Variants in ABHD2 observed in about 807,000 individuals in gnomAD.
ABHD2 encodes the protein monoacylglycerol lipase ABHD2.
Under a neutral mutation model 48.1 loss-of-function variants are expected in ABHD2, and 20 were observed. The ratio of observed to expected loss-of-function variants is 0.42; its 90% CI spans 0.29 to 0.60. ABHD2 has a LOEUF of 0.60. ABHD2 is among the 20% of genes least tolerant of loss of function. The probability of loss-of-function intolerance (pLI) is 0.24; values close to 1 mark genes in which losing one functional copy is unlikely to be tolerated. For missense variants in ABHD2, 405 were observed against 550.9 expected (o/e 0.74, Z 2.65); for synonymous variants, 209 against 214.2 (o/e 0.98, Z 0.21).
In ABHD2 at chr15:89,094,014, G is replaced by T. The variant is rs1461544856; in HGVS notation, c.-107+5451G>T. 2 of 152,174 alleles carry T rather than the reference G, an allele frequency of 1.3e-5. No homozygotes were observed. The highest frequency in any genetic ancestry group is 2.9e-5 in the Non-Finnish European group (2 of 68,042). 9.4% of individuals were successfully genotyped at this position (152,174 alleles called of 1,614,324 possible). ...TCTGGTTTAGAGCCACCTGGAAATT[G>T]AATGGAATCTTTAGTCTATTAGTCT... On this transcript the variant is annotated intron_variant, in intron 1 of 10. Coordinates refer to ENST00000352732, the MANE Select transcript of ABHD2 (RefSeq NM_152924.5). The surrounding 1 kb of genome is among the most constrained non-coding windows in gnomAD (Gnocchi z 4.7).
chr15:89,113,231 T>A (rs1002875410), intron 1 of ABHD2, among the ~76,000 whole-genome samples: 35 of 152,236 alleles, frequency 2.3e-4, no homozygotes, highest in African/African-American at 8.0e-4. Context: ...TTTGGCCCTG[T>A]TCTGTTTCTG....
In ABHD2 at chr15:89,173,977, C is replaced by T. The variant is rs997530267; in HGVS notation, c.539-1835C>T. Reference sequence around the variant, plus strand: ...TTCTAAGCCCCCAGCATTTCCAGATCATGATTATTAGTCAAAAGTATAGGG... The same window carrying T: ...TTCTAAGCCCCCAGCATTTCCAGATTATGATTATTAGTCAAAAGTATAGGG... On this transcript the variant is annotated intron_variant, in intron 5 of 10. Coordinates refer to ENST00000352732, the MANE Select transcript of ABHD2 (RefSeq NM_152924.5). The surrounding 1 kb of genome is among the most constrained non-coding windows in gnomAD (Gnocchi z 6.5). 6.6e-6 allele frequency among the ~76,000 whole-genome samples: 1 copy of T among 152,098 alleles called. No individual in the cohort carries two copies. Among genetic ancestry groups the T allele is most frequent in the East Asian group, 1.9e-4 (1 of 5,196 alleles).
At chr15:89,147,123 A>C (rs1448710218) in intron 3 of ABHD2, among the ~76,000 whole-genome samples, 3 of 152,214 alleles carry the variant, frequency 2.0e-5, no homozygotes, top group Non-Finnish European at 2.9e-5. Context: ...TAAATATTTA[A>C]TTGAGAACTT....
At chr15:89,048,479 A>T in the ABHD2 span, among the ~76,000 whole-genome samples, 1 of 151,998 alleles carries the variant, frequency 6.6e-6, no homozygotes, top group African/African-American at 2.4e-5. Context: ...CCTGGATAAT[A>T]TCCTGCAGAG....
chr15:89,071,916 A>T, the ABHD2 span, among the ~76,000 whole-genome samples: 1 of 152,208 alleles, frequency 6.6e-6, no homozygotes, highest in Admixed American at 6.5e-5. Flanking sequence ...TTTCGGGTAG[A>T]AGCTTTATTG....
At chr15:89,190,256 G>A (rs2051281470) in intron 8 of ABHD2, among the ~76,000 whole-genome samples, 1 of 152,210 alleles carries the variant, frequency 6.6e-6, no homozygotes, top group South Asian at 2.1e-4. Flanking sequence ...TAGGCCTCCT[G>A]GTGTCGGAGC....
rs544589818 is a variant in ABHD2 at position 89,176,100 on chromosome 15, C to T, written c.722+105C>T. On this transcript the variant is annotated intron_variant, in intron 6 of 10. Coordinates refer to ENST00000352732, the MANE Select transcript of ABHD2 (RefSeq NM_152924.5). This position sits in a 1 kb window ranked among gnomAD's most constrained non-coding sequence, Gnocchi z 4.5. ...TGTGAAGACCGGGGAACACTGTGGC[C>T]GACTGAGTAGAAGTTTCTGAGTCTT... The T allele has an allele frequency of 4.0e-6, 5 of 1,239,892 alleles. No homozygotes were observed. Among genetic ancestry groups the T allele is most frequent in the Admixed American group, 2.6e-5 (1 of 38,882 alleles). 76.8% of individuals were successfully genotyped at this position (1,239,892 alleles called of 1,614,324 possible). A position where few individuals can be genotyped will look rare whatever the true frequency, so the allele number is the denominator to read the frequency against.
rs1417865260 is a variant in ABHD2, at chr15:89,199,756, G to A, written c.*4333G>A. On this transcript the variant is annotated 3_prime_UTR_variant, in exon 11 of 11. Transcript: ENST00000352732. This position sits in a 1 kb window ranked among gnomAD's most constrained non-coding sequence, Gnocchi z 4.1. ...CCTGCCTGTGGCATTTAGAGGCCAA[G>A]CAATTGACAGAAAGGGTTTCTTCTA... is the stretch of plus-strand genomic sequence containing the variant. 1 of 152,602 alleles carries A rather than the reference G, an allele frequency of 6.6e-6. No individual in the cohort carries two copies. Among genetic ancestry groups the A allele is most frequent in the East Asian group, 1.9e-4 (1 of 5,198 alleles). 9.5% of individuals were successfully genotyped at this position (152,602 alleles called of 1,614,324 possible).
Position 89,201,785 on chromosome 15 carries a change from CCCGGAGGCAGACG to C in ABHD2, c.*6365_*6377del. The C allele has an allele frequency of 1.4e-6, 2 of 1,462,338 alleles. No homozygotes were observed. 90.6% of individuals were successfully genotyped at this position (1,462,338 alleles called of 1,614,324 possible). ...GGATCTGCTCGTGCTTCGCCGTGGC[CCCGGAGGCAGACG>C]CCATTGGAGAGACAGCGCAGAGCAG... On this transcript the variant is annotated 3_prime_UTR_variant, in exon 11 of 11. Transcript: ENST00000352732.
rs71464446 is a variant in ABHD2 at position 89,127,706 on chromosome 15, C to CATATATATATATAT, written c.194+11198_194+11199insTATATATATATATA. On this transcript the variant is annotated intron_variant, in intron 3 of 10. Coordinates refer to ENST00000352732, the MANE Select transcript of ABHD2 (RefSeq NM_152924.5). ...TCTTCTCAGTGAATATATATATATA[C>CATATATATATATAT]ATATATATATATACACATATATATA... is the stretch of plus-strand genomic sequence containing the variant. Among the ~76,000 whole-genome samples the CATATATATATATAT allele has an allele frequency of 3.8e-3, 497 of 129,728 alleles. 39 individuals are homozygous for CATATATATATATAT. The highest frequency in any genetic ancestry group is 0.015 in the African/African-American group (428 of 27,806). 85.1% of individuals were successfully genotyped at this position (129,728 alleles called of 152,430 possible).
chr15:89,143,177 C>A (rs1477052833), intron 3 of ABHD2, among the ~76,000 whole-genome samples: 1 of 152,176 alleles, frequency 6.6e-6, no homozygotes. Context: ...AAGTCCAATT[C>A]TCTAAGTTCA....
chr15:89,181,485 T>A (rs2051113963), intron 6 of ABHD2, among the ~76,000 whole-genome samples: 1 of 152,148 alleles, frequency 6.6e-6, no homozygotes, highest in African/African-American at 2.4e-5. Context: ...TTAATTCATC[T>A]CCAATCTTAA....
chr15:89,076,436 T>C, the ABHD2 span, among the ~76,000 whole-genome samples: 1 of 152,200 alleles, frequency 6.6e-6, no homozygotes, highest in Non-Finnish European at 1.5e-5. Context: ...TAATATTCAT[T>C]CCCCAATTGT....
At chr15:89,063,121 C>T in the ABHD2 span, among the ~76,000 whole-genome samples, 1 of 151,276 alleles carries the variant, frequency 6.6e-6, no homozygotes, top group Non-Finnish European at 1.5e-5. Context: ...GCGCACGCCA[C>T]CATGCCCGGC....
intron 1 of ABHD2, among the ~76,000 whole-genome samples, chr15:89,103,413 C>A (rs1240521670): frequency 6.6e-6 from 1 of 152,162 alleles, no homozygotes; most frequent in East Asian, 1.9e-4. Context: ...AACCTCCCTT[C>A]CCCCATTTTA....
chr15:89,145,262 G>A (rs1000080088), intron 3 of ABHD2, among the ~76,000 whole-genome samples: 14 of 152,180 alleles, frequency 9.2e-5, no homozygotes, highest in African/African-American at 2.4e-4. Flanking sequence ...TTGCAAAAAC[G>A]AAACAAAACA....
chr15:89,098,401 T>G (rs2049648029), intron 1 of ABHD2, among the ~76,000 whole-genome samples: 1 of 152,188 alleles, frequency 6.6e-6, no homozygotes, highest in South Asian at 2.1e-4. Context: ...CTTTCCCTGC[T>G]GGACGCTGTG....
At chr15:89,083,993 C>T (rs1373009224), upstream of ABHD2, among the ~76,000 whole-genome samples, 1 of 152,164 alleles carries the variant, frequency 6.6e-6, no homozygotes, top group Non-Finnish European at 1.5e-5. The surrounding 1 kb of genome is among the most constrained non-coding windows in gnomAD (Gnocchi z 5.1). Flanking sequence ...TTGGATCCCT[C>T]AGACTGCACC....
chr15:89,161,722 GC>G (rs1406258194), intron 5 of ABHD2, among the ~76,000 whole-genome samples: 3 of 152,190 alleles, frequency 2.0e-5, no homozygotes, highest in Non-Finnish European at 2.9e-5. Flanking sequence ...TTTGAAGCAA[GC>G]CCCAGACAGC....
Sources: gnomAD v4.1 joint callset for allele counts (sites outside exome capture counted in the v4.1 genomes callset) on GRCh38, gnomAD v4.1.1 for gene constraint, Gnocchi (gnomAD v3.1) non-coding constraint, MANE v1.5 for transcripts, NCBI Gene and HGNC (gene_info 2026-07-23, HGNC 2026-07-21) for gene names.